NTSR1: variants seen among roughly 807,000 people sequenced by gnomAD.
The protein encoded by NTSR1 is neurotensin receptor type 1.
NTSR1 carries 29 observed loss-of-function variants against 31.2 expected under a neutral mutation model. That is an observed-to-expected ratio of 0.93 (90% CI 0.69 to 1.27). The LOEUF (loss-of-function observed/expected upper bound fraction) is 1.27. Ranked by LOEUF, NTSR1 falls within the 50% of genes most tolerant of loss-of-function variation. The pLI, the probability that NTSR1 is intolerant of heterozygous loss-of-function variation, is 0.00. For missense variants in NTSR1, 697 were observed against 595.4 expected (o/e 1.17, Z -1.78); for synonymous variants, 282 against 269.9 (o/e 1.04, Z -0.44).
rs1349781792 is a variant in NTSR1 at position 62,758,751 on chromosome 20, C to G, written c.1007+395C>G. ...GCTCAGCCTGGAGTTATACTCAGGG[C>G]TGTGACTTATCGCAGCAAGAGCACC... On this transcript the variant is annotated intron_variant, in intron 3 of 3. Coordinates refer to ENST00000370501, the MANE Select transcript of NTSR1 (RefSeq NM_002531.3). The surrounding 1 kb of genome is among the most constrained non-coding windows in gnomAD (Gnocchi z 4.5). 6.6e-6 allele frequency among the ~76,000 whole-genome samples: 1 copy of G among 152,146 alleles called. No homozygotes were observed. The highest frequency in any genetic ancestry group is 1.5e-5 in the Non-Finnish European group (1 of 68,028).
At chr20:62,749,616 A>C (rs902975105) in intron 1 of NTSR1, among the ~76,000 whole-genome samples, 1 of 152,192 alleles carries the variant, frequency 6.6e-6, no homozygotes. Flanking sequence ...AAAATAACCC[A>C]TTTAAAAATG....
At position 62,709,260 on chromosome 20, in the gene NTSR1, C is replaced by G. The variant is rs1988541141; in HGVS notation, c.53C>G (p.Pro18Arg). The G allele has an allele frequency of 6.5e-7, 1 of 1,542,966 alleles. No individual in the cohort carries two copies. The change falls in exon 1 of 4, where the codon CCC (proline) becomes CGC (arginine). Residue 18 changes from proline (P) to arginine (R), a missense_variant. Coordinates refer to ENST00000370501, the MANE Select transcript of NTSR1 (RefSeq NM_002531.3). Reference protein sequence around the residue: ...PGTPGTPAADPFQRAQAGLEE... With the variant: ...PGTPGTPAADRFQRAQAGLEE... ...ACCCCGGGCACGCCGGCCGCCGACC[C>G]CTTCCAGCGGGCGCAGGCCGGACTG...
chr20:62,746,637 A>G (rs1409737814), intron 1 of NTSR1, among the ~76,000 whole-genome samples: 2 of 152,222 alleles, frequency 1.3e-5, no homozygotes, highest in African/African-American at 4.8e-5. Flanking sequence ...AACTGTGAAC[A>G]ATTTTATACA....
chr20:62,729,049 C>T (rs910027243), intron 1 of NTSR1, among the ~76,000 whole-genome samples: 1 of 152,244 alleles, frequency 6.6e-6, no homozygotes, highest in African/African-American at 2.4e-5. Context: ...TCGGTCTGTG[C>T]ACACCTGAGG....
chr20:62,739,874 A>G lies in NTSR1; in HGVS notation c.715-14811A>G, dbSNP rs138207110. On this transcript the variant is annotated intron_variant, in intron 1 of 3. Coordinates refer to ENST00000370501, the MANE Select transcript of NTSR1 (RefSeq NM_002531.3). ...CAGGCCGGCGGGGTGCGGGACGCAT[A>G]TGCTGTCCCGCAGGCAACTGGGAAC... Among the ~76,000 whole-genome samples the G allele has an allele frequency of 1.7e-3, 262 of 152,358 alleles. 11 individuals are homozygous for G. In the Middle Eastern group the frequency reaches 0.027, roughly 16 times the overall value.
chr20:62,750,614 C>G (rs1038282827), intron 1 of NTSR1, among the ~76,000 whole-genome samples: 1 of 151,172 alleles, frequency 6.6e-6, no homozygotes, highest in Non-Finnish European at 1.5e-5. Context: ...TGGCGTGAAC[C>G]CGGGAGGCGG....
intron 1 of NTSR1, among the ~76,000 whole-genome samples, chr20:62,718,090 C>G (rs1333778875): frequency 6.6e-6 from 1 of 152,148 alleles, no homozygotes; most frequent in Non-Finnish European, 1.5e-5. Flanking sequence ...CAGCGCTGGC[C>G]TGGCGGGGTG....
intron 1 of NTSR1, among the ~76,000 whole-genome samples, chr20:62,738,890 T>TA (rs1989153282): frequency 6.6e-6 from 1 of 152,144 alleles, no homozygotes; most frequent in Admixed American, 6.5e-5. Context: ...AGAAGGGAAA[T>TA]ATGCTCAGGG....
rs140947199 is a variant in NTSR1 at position 62,742,487 on chromosome 20, C to T, written c.715-12198C>T. ...CTGCTTAGATGCCTGGGAGGGAGGA[C>T]CGAGGAAAGAGACTGGGGACTGAGG... On this transcript the variant is annotated intron_variant, in intron 1 of 3. Coordinates refer to ENST00000370501, the MANE Select transcript of NTSR1 (RefSeq NM_002531.3). The surrounding 1 kb of genome is among the most constrained non-coding windows in gnomAD (Gnocchi z 7.1). 6.6e-4 allele frequency among the ~76,000 whole-genome samples: 98 copies of T among 149,548 alleles called. 7 individuals are homozygous for T. Among genetic ancestry groups the T allele is most frequent in the African/African-American group, 2.4e-3 (97 of 40,134 alleles).
At chr20:62,731,937 A>G (rs6062979) in intron 1 of NTSR1, among the ~76,000 whole-genome samples, 121,351 of 152,052 alleles carry the variant, frequency 0.8, 49,153 homozygotes, top group East Asian at 0.96. Context: ...TGGCCAATAT[A>G]GTGAAACCCC....
chr20:62,724,126 T>C (rs1307483626), intron 1 of NTSR1, among the ~76,000 whole-genome samples: 1 of 152,168 alleles, frequency 6.6e-6, no homozygotes, highest in African/African-American at 2.4e-5. Flanking sequence ...GCTCAGAAGT[T>C]TGCTTTGCCA....
chr20:62,713,080 G>A, intron 1 of NTSR1, among the ~76,000 whole-genome samples: 1 of 152,140 alleles, frequency 6.6e-6, no homozygotes, highest in South Asian at 2.1e-4. Flanking sequence ...CCTGACTATG[G>A]CCACACACGA....
chr20:62,731,149 A>G (rs1442833940), intron 1 of NTSR1, among the ~76,000 whole-genome samples: 2 of 152,094 alleles, frequency 1.3e-5, no homozygotes, highest in Non-Finnish European at 2.9e-5. Context: ...TAATGGCACA[A>G]TCTCGGCTCA....
At chr20:62,719,465 TA>T (rs1988793300) in intron 1 of NTSR1, among the ~76,000 whole-genome samples, 1 of 150,210 alleles carries the variant, frequency 6.7e-6, no homozygotes, top group Non-Finnish European at 1.5e-5. Flanking sequence ...TACATCGTCA[TA>T]CGATCATCCC....
At chr20:62,730,227 G>T (rs6011926) in intron 1 of NTSR1, among the ~76,000 whole-genome samples, 135,346 of 152,148 alleles carry the variant, frequency 0.89, 60,703 homozygotes, top group East Asian at 1. Flanking sequence ...TTCATTGCCC[G>T]AAAAAATCCT....
chr20:62,755,132 CCTTCCTTCCCTCCATCCA>C, intron 2 of NTSR1, among the ~76,000 whole-genome samples: 1 of 124,944 alleles, frequency 8.0e-6, no homozygotes, highest in African/African-American at 3.4e-5. Flanking sequence ...CTCCATCCAT[CCTTCCTTCCCTCCATCCA>C]TCCATCCCTT....
At chr20:62,718,738 T>C (rs6062460) in intron 1 of NTSR1, among the ~76,000 whole-genome samples, 99,996 of 152,060 alleles carry the variant, frequency 0.66, 35,962 homozygotes, top group East Asian at 0.94. Context: ...ATTCTGTGGA[T>C]GGACCACGTT....
Position 62,744,684 on chromosome 20 carries a change from G to A in NTSR1, c.715-10001G>A, listed in dbSNP as rs778654947. ...GGAGGTTGTGATAAGCAGAAATCGC[G>A]CCACTGCACTCCAGCCTGGGCAACA... On this transcript the variant is annotated intron_variant, in intron 1 of 3. Transcript: ENST00000370501. The surrounding 1 kb of genome is among the most constrained non-coding windows in gnomAD (Gnocchi z 4.1). 4.0e-5 allele frequency among the ~76,000 whole-genome samples: 6 copies of A among 151,596 alleles called. No individual in the cohort carries two copies. The East Asian group carries it at 9.7e-4, about 24-fold the overall frequency.
chr20:62,709,608 G>A lies in NTSR1; in HGVS notation c.401G>A (p.Trp134Ter), dbSNP rs1337666795. 6.2e-7 allele frequency: 1 copy of A among 1,611,600 alleles called. No homozygotes were observed. The highest frequency in any genetic ancestry group is 8.5e-7 in the Non-Finnish European group (1 of 1,179,930). The stretch of plus-strand genomic sequence containing the variant: ...AACTTCATCTGGGTGCACCACCCCT[G>A]GGCCTTCGGCGACGCCGGCTGCCGC... ...LYNFIWVHHP[W>*]AFGDAGCRGY... Residue 134 changes from tryptophan to a stop codon, truncating the protein, a stop_gained, in exon 1 of 4, where the codon TGG (tryptophan) becomes TAG (stop). Transcript: ENST00000370501. LOFTEE classifies it high-confidence loss of function.
Sources: allele counts gnomAD v4.1 joint callset (sites outside exome capture counted in the v4.1 genomes callset), GRCh38; gene constraint gnomAD v4.1.1; non-coding constraint Gnocchi (gnomAD v3.1); transcripts MANE v1.5; gene names NCBI Gene and HGNC (gene_info 2026-07-23, HGNC 2026-07-21).